MCC: variants seen among roughly 807,000 people sequenced by gnomAD.
MCC encodes the protein colorectal mutant cancer protein.
In MCC, 90 loss-of-function variants were observed where a neutral mutation model predicts 116.2. That is an observed-to-expected ratio of 0.77 (90% CI 0.65 to 0.92). MCC has a LOEUF of 0.92. MCC is among the 40% of genes least tolerant of loss of function. The probability of loss-of-function intolerance (pLI) is 0.00; values close to 1 mark genes in which losing one functional copy is unlikely to be tolerated. For synonymous variants in MCC, 578 were observed against 510.5 expected, an observed-to-expected ratio of 1.13 and a Z score of -1.78; for missense variants, 1,516 against 1,312.2, an observed-to-expected ratio of 1.16 and a Z score of -2.40.
At chr5:113,070,331 G>T (rs1291547998) in intron 12 of MCC, among the ~76,000 whole-genome samples, 1 of 152,102 alleles carries the variant, frequency 6.6e-6, no homozygotes, top group Non-Finnish European at 1.5e-5. Context: ...ATAATAATAA[G>T]GCATAGTTTT....
intron 2 of MCC, among the ~76,000 whole-genome samples, chr5:113,374,204 T>C (rs1768919514): frequency 1.1e-5 from 1 of 90,274 alleles, no homozygotes; most frequent in African/African-American, 5.6e-5. Flanking sequence ...GGGCTTCTAC[T>C]TTTTTTTTTT....
intron 1 of MCC, among the ~76,000 whole-genome samples, chr5:113,457,004 C>T (rs570372286): frequency 2.6e-5 from 4 of 152,200 alleles, no homozygotes; most frequent in Non-Finnish European, 4.4e-5. Context: ...AGCCCTGGCT[C>T]GCTCTCACCG....
intron 1 of MCC, among the ~76,000 whole-genome samples, chr5:113,431,992 T>C (rs113390855): frequency 0.014 from 2,100 of 151,984 alleles, 57 homozygotes; most frequent in African/African-American, 0.048. Context: ...AAAAATTAGC[T>C]GGGCATGGTG....
At chr5:113,192,341 C>A (rs76233603) in intron 3 of MCC, among the ~76,000 whole-genome samples, 2 of 152,168 alleles carry the variant, frequency 1.3e-5, no homozygotes, top group Non-Finnish European at 2.9e-5. Context: ...TTGTTGTCAA[C>A]GTTGATAAAC....
intron 3 of MCC, among the ~76,000 whole-genome samples, chr5:113,308,763 AT>A: frequency 6.6e-6 from 1 of 152,136 alleles, no homozygotes; most frequent in South Asian, 2.1e-4. Flanking sequence ...TGATTTTGCC[AT>A]GGTACTCCAG....
chr5:113,219,330 G>C (rs2150327942), intron 3 of MCC, among the ~76,000 whole-genome samples: 1 of 152,322 alleles, frequency 6.6e-6, no homozygotes, highest in African/African-American at 2.4e-5. Flanking sequence ...GAATTCTGGA[G>C]GCCCTTCCTG....
intron 1 of MCC, among the ~76,000 whole-genome samples, chr5:113,450,457 C>A (rs914287011): frequency 1.3e-5 from 2 of 151,946 alleles, no homozygotes; most frequent in East Asian, 3.9e-4. Flanking sequence ...TGATGTGATG[C>A]CCCCCCAAGC....
At chr5:113,115,111 C>T (rs1757322339) in intron 6 of MCC, among the ~76,000 whole-genome samples, 1 of 152,184 alleles carries the variant, frequency 6.6e-6, no homozygotes, top group Admixed American at 6.5e-5. Context: ...CCCTGAGACG[C>T]TACTGTGGGG....
chr5:113,369,224 G>T (rs1282970500), intron 2 of MCC, among the ~76,000 whole-genome samples: 2 of 152,020 alleles, frequency 1.3e-5, no homozygotes, highest in Admixed American at 1.3e-4. Context: ...TGGGGGCTGG[G>T]GCTTAAAGTC....
At chr5:113,226,393 G>C (rs991777228) in intron 3 of MCC, among the ~76,000 whole-genome samples, 1 of 152,226 alleles carries the variant, frequency 6.6e-6, no homozygotes. Context: ...TTAGTTTGCA[G>C]TCAACAGGAA....
chr5:113,114,783 C>G (rs866701802), intron 6 of MCC, among the ~76,000 whole-genome samples: 1 of 152,146 alleles, frequency 6.6e-6, no homozygotes, highest in African/African-American at 2.4e-5. Context: ...ATTACCTTCC[C>G]GTTCCATCCC....
chr5:113,104,853 C>A lies in MCC; in HGVS notation c.1028-498G>T, dbSNP rs569153045. ...ACCAAGAACTTTTCCATGATAGAAC[C>A]AATCAATATGCTCCACTGTTGCAAT... On this transcript the variant is annotated intron_variant, in intron 6 of 18. Transcript: ENST00000408903. 5.9e-5 allele frequency among the ~76,000 whole-genome samples: 9 copies of A among 152,298 alleles called. 1 individual carries two copies. Among genetic ancestry groups the A allele is most frequent in the African/African-American group, 2.2e-4 (9 of 41,560 alleles).
intron 14 of MCC, among the ~76,000 whole-genome samples, chr5:113,060,801 GC>G (rs1408611098): frequency 6.6e-6 from 1 of 151,982 alleles, no homozygotes; most frequent in African/African-American, 2.4e-5. Flanking sequence ...ATGTGTCGGG[GC>G]TGGTCTCTAG....
At chr5:113,290,554 T>A (rs912094213) in intron 3 of MCC, among the ~76,000 whole-genome samples, 13 of 152,348 alleles carry the variant, frequency 8.5e-5, no homozygotes, top group African/African-American at 2.9e-4. Context: ...ATAAGTAAAG[T>A]CAAGTTTTAC....
chr5:113,202,080 T>G, intron 3 of MCC, among the ~76,000 whole-genome samples: 1 of 152,148 alleles, frequency 6.6e-6, no homozygotes, highest in South Asian at 2.1e-4. Flanking sequence ...TCCCTGAACC[T>G]GCTCAACCCC....
intron 8 of MCC, 70 bp downstream of exon 8, chr5:113,101,669 T>A (rs1430772662): frequency 1.9e-5 from 29 of 1,508,682 alleles, no homozygotes; most frequent in Admixed American, 5.0e-5. Context: ...GTGCCCCTGG[T>A]GCTATACACC....
rs975770333 is a variant in MCC at position 113,167,015 on chromosome 5, A to C, written c.628-15593T>G. 3.9e-5 allele frequency among the ~76,000 whole-genome samples: 6 copies of C among 152,150 alleles called. 1 individual carries two copies. Among genetic ancestry groups the C allele is most frequent in the Admixed American group, 2.0e-4 (3 of 15,266 alleles). On this transcript the variant is annotated intron_variant, in intron 3 of 18. Coordinates refer to ENST00000408903, the MANE Select transcript of MCC (RefSeq NM_001085377.2). ...TGGCTGTGGAATTACTCTCCCGGAA[A>C]ACCTTTCCAGTCGGGGCGAGTCTCA...
At chr5:113,351,395 G>A (rs1768264290) in intron 2 of MCC, among the ~76,000 whole-genome samples, 1 of 152,098 alleles carries the variant, frequency 6.6e-6, no homozygotes, top group Middle Eastern at 3.2e-3. Context: ...GCAACAACAT[G>A]GATGGAACTG....
intron 1 of MCC, among the ~76,000 whole-genome samples, chr5:113,441,495 T>C (rs1771040067): frequency 6.7e-6 from 1 of 150,346 alleles, no homozygotes; most frequent in Non-Finnish European, 1.5e-5. Context: ...TTATTATTTT[T>C]TGTTTTGTAC....
Sources: gnomAD v4.1 joint callset for allele counts (sites outside exome capture counted in the v4.1 genomes callset) on GRCh38, gnomAD v4.1.1 for gene constraint, MANE v1.5 for transcripts, NCBI Gene and HGNC (gene_info 2026-07-23, HGNC 2026-07-21) for gene names.